Variants in SLC12A2 observed in about 807,000 individuals in gnomAD.
SLC12A2 encodes the protein Na-K-2Cl cotransporter 1.
In SLC12A2, 67 loss-of-function variants were observed where a neutral mutation model predicts 136.3. The observed-to-expected ratio is 0.49, with a 90% CI of 0.40 to 0.60. The LOEUF is 0.60. Ranked by LOEUF, SLC12A2 falls within the 20% of genes least tolerant of loss-of-function variation. The probability of loss-of-function intolerance (pLI) is 0.00; values close to 1 mark genes in which losing one functional copy is unlikely to be tolerated. For missense variants in SLC12A2, 1,322 were observed against 1,534.7 expected (o/e 0.86, Z 2.32); for synonymous variants, 619 against 562.9 (o/e 1.10, Z -1.41).
chr5:128,162,256 G>A (rs1211119007), intron 17 of SLC12A2, among the ~76,000 whole-genome samples: 1 of 152,106 alleles, frequency 6.6e-6, no homozygotes, highest in African/African-American at 2.4e-5. Flanking sequence ...TTAAGACATT[G>A]TGGTGTTGAA....
At chr5:128,152,448 CA>C (rs1229841700) in intron 14 of SLC12A2, among the ~76,000 whole-genome samples, 1 of 152,146 alleles carries the variant, frequency 6.6e-6, no homozygotes, top group African/African-American at 2.4e-5. Flanking sequence ...AAGACTCTTT[CA>C]GAGTTGTATG....
At chr5:128,180,311 G>C in intron 22 of SLC12A2, among the ~76,000 whole-genome samples, 1 of 152,004 alleles carries the variant, frequency 6.6e-6, no homozygotes, top group South Asian at 2.1e-4. Context: ...GATGTTCCAG[G>C]CTCAGTTTTA....
chr5:128,109,368 G>T, intron 1 of SLC12A2: 1 of 309,066 alleles, frequency 3.2e-6, no homozygotes, highest in South Asian at 2.9e-5. Flanking sequence ...ATGCCAGGCA[G>T]CACGCTTTGG....
intron 24 of SLC12A2, among the ~76,000 whole-genome samples, 199 bp downstream of exon 24, chr5:128,183,140 A>T (rs1246517515): frequency 1.3e-5 from 2 of 152,118 alleles, no homozygotes; most frequent in Non-Finnish European, 2.9e-5. Flanking sequence ...TTCAGAGAGG[A>T]TTTAAATTAC....
chr5:128,113,483 A>T (rs1761231415), intron 2 of SLC12A2, among the ~76,000 whole-genome samples: 2 of 152,188 alleles, frequency 1.3e-5, no homozygotes, highest in Non-Finnish European at 2.9e-5. Context: ...AGCACTAAGG[A>T]TCTGACTAAA....
intron 1 of SLC12A2, among the ~76,000 whole-genome samples, chr5:128,106,907 C>T (rs1760959806): frequency 6.6e-6 from 1 of 152,010 alleles, no homozygotes; most frequent in African/African-American, 2.4e-5. Flanking sequence ...TTTCTTTTAA[C>T]ACAGATGGGA....
chr5:128,120,942 A>G (rs1378452797), intron 4 of SLC12A2, among the ~76,000 whole-genome samples: 2 of 152,210 alleles, frequency 1.3e-5, no homozygotes, highest in Non-Finnish European at 1.5e-5. Flanking sequence ...TCTTAACTGA[A>G]TTATAACGTG....
chr5:128,175,950 A>C (rs1339900016), intron 20 of SLC12A2, among the ~76,000 whole-genome samples: 1 of 151,968 alleles, frequency 6.6e-6, no homozygotes, highest in African/African-American at 2.4e-5. Context: ...TTCCATTACA[A>C]GTTTAAGAAA....
chr5:128,179,844 T>C (rs1763646311), intron 22 of SLC12A2, among the ~76,000 whole-genome samples: 1 of 151,854 alleles, frequency 6.6e-6, no homozygotes, highest in African/African-American at 2.4e-5. Flanking sequence ...TTCCAGGATA[T>C]AATTTGTTAC....
Position 128,168,087 on chromosome 5 carries a change from T to C in SLC12A2, c.2723+220T>C, listed in dbSNP as rs7720888. The stretch of plus-strand genomic sequence containing the variant: ...TTACATACATGCATATATATATATA[T>C]ACACACACACACACATATATGTATG... On this transcript the variant is annotated intron_variant, in intron 18 of 26. Coordinates refer to ENST00000262461, the MANE Select transcript of SLC12A2 (RefSeq NM_001046.3). 0.028 allele frequency: 8,433 copies of C among 300,296 alleles called. 567 individuals carry two copies. The highest frequency in any genetic ancestry group is 0.15 in the African/African-American group (6,914 of 44,756). 18.6% of individuals were successfully genotyped at this position (300,296 alleles called of 1,614,324 possible).
chr5:128,109,085 A>G (rs1761045259), intron 1 of SLC12A2, among the ~76,000 whole-genome samples: 1 of 152,280 alleles, frequency 6.6e-6, no homozygotes, highest in African/African-American at 2.4e-5. Flanking sequence ...CATGTATTTC[A>G]CATAGCTGAG....
chr5:128,084,476 C>A lies in SLC12A2; in HGVS notation c.522C>A (p.Gly174=). 1 of 1,608,804 alleles carries A rather than the reference C, an allele frequency of 6.2e-7. No individual in the cohort carries two copies. Among genetic ancestry groups the A allele is most frequent in the Non-Finnish European group, 8.5e-7 (1 of 1,178,770 alleles). The part of the protein sequence containing the change: ...VDGPNVSFQN[G]GDTVLSEGSS... ...GGCCCAACGTGAGCTTCCAGAACGG[C>A]GGGGACACGGTGCTGAGCGAGGGCA... is the stretch of plus-strand genomic sequence containing the variant. Residue 174 remains glycine (G), a synonymous_variant, in exon 1 of 27, where the codon GGC becomes GGA. Transcript: ENST00000262461. The surrounding 1 kb of genome is among the most constrained non-coding windows in gnomAD (Gnocchi z 5.6).
intron 4 of SLC12A2, among the ~76,000 whole-genome samples, chr5:128,130,433 T>C (rs950989010): frequency 2.0e-5 from 3 of 147,736 alleles, no homozygotes; most frequent in African/African-American, 7.5e-5. Context: ...GAGAATCACA[T>C]GAACCCAGCA....
chr5:128,128,842 A>G (rs1315210436), intron 4 of SLC12A2, among the ~76,000 whole-genome samples: 1 of 151,590 alleles, frequency 6.6e-6, no homozygotes, highest in Non-Finnish European at 1.5e-5. Context: ...TAGGAATGGA[A>G]GTGGGAAGGA....
In SLC12A2 at chr5:128,083,769, C is replaced by T. The variant is rs1581036414; in HGVS notation, c.-186C>T. The stretch of plus-strand genomic sequence containing the variant: ...CGGGGCCCGCCCCGCGCCCGCCACA[C>T]TCGCGCGCTCGCTCGGCTGCCGGTG... On this transcript the variant is annotated 5_prime_UTR_variant, in exon 1 of 27. Coordinates refer to ENST00000262461, the MANE Select transcript of SLC12A2 (RefSeq NM_001046.3). The T allele has an allele frequency of 2.6e-6, 1 of 387,684 alleles. No individual in the cohort carries two copies. 24.0% of individuals were successfully genotyped at this position (387,684 alleles called of 1,614,324 possible). A position where few individuals can be genotyped will look rare whatever the true frequency, so the allele number is the denominator to read the frequency against.
chr5:128,114,737 C>A (rs1761284739), intron 4 of SLC12A2, 56 bp downstream of exon 4: 2 of 1,054,814 alleles, frequency 1.9e-6, no homozygotes, highest in Non-Finnish European at 2.9e-6. Flanking sequence ...AAACAGAGGT[C>A]TAAATTGTAT....
chr5:128,151,418 T>A, intron 14 of SLC12A2, 22 bp downstream of exon 14: 2 of 1,593,532 alleles, frequency 1.3e-6, no homozygotes, highest in Non-Finnish European at 1.7e-6. Flanking sequence ...TTTTTGTTTA[T>A]ATCCCAAGCT....
At chr5:128,138,510 G>C in intron 7 of SLC12A2, 87 bp from the exon 8 acceptor site, 1 of 1,182,786 alleles carries the variant, frequency 8.5e-7, no homozygotes. Context: ...AAAAGTTAGG[G>C]GTCATGTATA....
chr5:128,128,399 G>A (rs1439472572), intron 4 of SLC12A2, among the ~76,000 whole-genome samples: 1 of 152,038 alleles, frequency 6.6e-6, no homozygotes, highest in Non-Finnish European at 1.5e-5. Flanking sequence ...AGAGTTTAGG[G>A]TAGTTTATGA....
Sources: gnomAD v4.1 joint callset for allele counts (sites outside exome capture counted in the v4.1 genomes callset) on GRCh38, gnomAD v4.1.1 for gene constraint, Gnocchi (gnomAD v3.1) non-coding constraint, MANE v1.5 for transcripts, NCBI Gene and HGNC (gene_info 2026-07-23, HGNC 2026-07-21) for gene names.